The following DENND5B variants were observed in gnomAD, a reference collection of about 807,000 sequenced individuals.
DENND5B encodes DENN domain containing 5B.
DENND5B carries 34 observed loss-of-function variants against 140.6 expected under a neutral mutation model. The observed-to-expected ratio is 0.24, with a 90% CI of 0.18 to 0.32. The LOEUF is 0.32. Among genes scored for constraint, DENND5B ranks in the 10% least tolerant of loss-of-function variants. DENND5B has a pLI of 1.00. For synonymous variants in DENND5B, 551 were observed against 562.1 expected, an observed-to-expected ratio of 0.98 and a Z score of 0.28; for missense variants, 1,142 against 1,560.2, an observed-to-expected ratio of 0.73 and a Z score of 4.52.
chr12:31,523,174 C>T (rs1043844492), intron 1 of DENND5B, among the ~76,000 whole-genome samples: 2 of 151,896 alleles, frequency 1.3e-5, no homozygotes, highest in South Asian at 2.1e-4. Flanking sequence ...TCATCCCACC[C>T]GAACCTCCCA....
chr12:31,409,757 G>A (rs1021962139), intron 13 of DENND5B, among the ~76,000 whole-genome samples: 13 of 152,042 alleles, frequency 8.6e-5, no homozygotes, highest in Non-Finnish European at 1.9e-4. Flanking sequence ...GGGATTACAG[G>A]CATGAGCCAC....
intron 1 of DENND5B, chr12:31,534,888 C>CA: frequency 2.5e-6 from 1 of 400,122 alleles, no homozygotes; most frequent in South Asian, 2.1e-5. Flanking sequence ...CCTTTCCCAG[C>CA]AGCAAGATGC....
At chr12:31,590,598 C>T (rs944105080) in intron 1 of DENND5B, 108 bp downstream of exon 1, 8 of 1,248,554 alleles carry the variant, frequency 6.4e-6, no homozygotes, top group African/African-American at 1.6e-5. Flanking sequence ...CGGGAGGGCG[C>T]CACCGGGAGC....
chr12:31,469,432 A>G lies in DENND5B; in HGVS notation c.905-9051T>C, dbSNP rs116931514. ...TGCTGGGTAAGTCCAAGGAAAGCAT[A>G]GCAGTTCTGCACCCACCCCTACACC... On this transcript the variant is annotated intron_variant, in intron 3 of 20. Transcript: ENST00000389082. Among the ~76,000 whole-genome samples the G allele has an allele frequency of 1.1e-3, 162 of 152,142 alleles. 2 individuals carry two copies. The East Asian group carries it at 0.021, about 19-fold the overall frequency.
chr12:31,461,686 T>C (rs1472908911), intron 3 of DENND5B, among the ~76,000 whole-genome samples: 2 of 152,230 alleles, frequency 1.3e-5, no homozygotes. Context: ...AGGGTCACTT[T>C]GGTTCAGGTC....
At chr12:31,576,173 C>T (rs1461022853) in intron 1 of DENND5B, among the ~76,000 whole-genome samples, 1 of 147,068 alleles carries the variant, frequency 6.8e-6, no homozygotes, top group South Asian at 2.2e-4. Flanking sequence ...AATGAGGCCG[C>T]GCGCACAGGG....
chr12:31,402,227 T>G (rs894559710), intron 15 of DENND5B, among the ~76,000 whole-genome samples: 3 of 149,906 alleles, frequency 2.0e-5, no homozygotes, highest in African/African-American at 7.3e-5. Flanking sequence ...CTAGAATCTG[T>G]GCTAGACCCT....
chr12:31,423,796 C>G, intron 10 of DENND5B, 121 bp from the exon 11 acceptor site: 1 of 898,680 alleles, frequency 1.1e-6, no homozygotes, highest in African/African-American at 1.7e-5. Context: ...CTCACTCATT[C>G]CTAGTTGTAT....
In DENND5B at chr12:31,511,712, T is replaced by TA. The variant is rs548495757; in HGVS notation, c.128-15794dup. 9.9e-5 allele frequency among the ~76,000 whole-genome samples: 15 copies of TA among 152,132 alleles called. No homozygotes were observed. In the East Asian group the frequency reaches 2.9e-3, roughly 29 times the overall value. ...TATTCACCCTTACATCCTCAACACC[T>TA]ACTTAATATTGTGCCTGGCAATAAA... On this transcript the variant is annotated intron_variant, in intron 1 of 20. Transcript: ENST00000389082.
intron 6 of DENND5B, among the ~76,000 whole-genome samples, chr12:31,446,470 A>G (rs1292018746): frequency 6.6e-6 from 1 of 152,202 alleles, no homozygotes; most frequent in Admixed American, 6.5e-5. Context: ...TAATTTCAAT[A>G]AGTGAAGCTA....
intron 14 of DENND5B, among the ~76,000 whole-genome samples, chr12:31,406,372 T>C (rs572749982): frequency 6.6e-6 from 1 of 152,312 alleles, no homozygotes; most frequent in South Asian, 2.1e-4. Context: ...ATTTCCCTAA[T>C]TTTACATAAA....
chr12:31,474,514 A>G (rs1945704825), intron 3 of DENND5B, among the ~76,000 whole-genome samples: 1 of 152,220 alleles, frequency 6.6e-6, no homozygotes, highest in Non-Finnish European at 1.5e-5. Context: ...TGATATATGC[A>G]TTTCCTAAAT....
intron 4 of DENND5B, 94 bp downstream of exon 4, chr12:31,460,100 G>A (rs1944947127): frequency 2.4e-6 from 3 of 1,235,868 alleles, no homozygotes; most frequent in Admixed American, 2.5e-5. Flanking sequence ...CAAAGAGACA[G>A]ATAAAATTTT....
chr12:31,459,006 A>G (rs1274716932), intron 4 of DENND5B, among the ~76,000 whole-genome samples: 1 of 152,072 alleles, frequency 6.6e-6, no homozygotes, highest in East Asian at 1.9e-4. Flanking sequence ...TGAAGATGGG[A>G]GTTTGACACC....
chr12:31,398,982 C>T (rs566366113), intron 16 of DENND5B, among the ~76,000 whole-genome samples: 3 of 151,342 alleles, frequency 2.0e-5, no homozygotes, highest in East Asian at 2.0e-4. Flanking sequence ...ATTAGCCGGG[C>T]GTGGTGGCAG....
chr12:31,440,733 T>C (rs1373014892), intron 7 of DENND5B, among the ~76,000 whole-genome samples: 1 of 152,158 alleles, frequency 6.6e-6, no homozygotes, highest in Admixed American at 6.5e-5. Flanking sequence ...GATCACATCA[T>C]GGCTCACTGC....
chr12:31,507,771 T>C (rs1658377883), intron 1 of DENND5B, among the ~76,000 whole-genome samples: 1 of 152,192 alleles, frequency 6.6e-6, no homozygotes, highest in Non-Finnish European at 1.5e-5. Context: ...AACATCTAAG[T>C]GATTTTCAAA....
chr12:31,390,653 T>TA (rs1731172336), intron 19 of DENND5B, among the ~76,000 whole-genome samples: 1 of 150,294 alleles, frequency 6.7e-6, no homozygotes. Context: ...CAAAAAAAAT[T>TA]AAATAGATTT....
intron 1 of DENND5B, among the ~76,000 whole-genome samples, chr12:31,512,175 A>G (rs940270925): frequency 6.6e-6 from 1 of 151,548 alleles, no homozygotes; most frequent in Non-Finnish European, 1.5e-5. Flanking sequence ...TCGGCCTCCT[A>G]AAGTGTTGGG....
Sources: allele counts gnomAD v4.1 joint callset (sites outside exome capture counted in the v4.1 genomes callset), GRCh38; gene constraint gnomAD v4.1.1; transcripts MANE v1.5; gene names NCBI Gene and HGNC (gene_info 2026-07-23, HGNC 2026-07-21).